SLC4A4: variants seen among roughly 807,000 people sequenced by gnomAD.
SLC4A4 encodes the protein solute carrier family 4 member 4.
In SLC4A4, 27 loss-of-function variants were observed where a neutral mutation model predicts 111.5. The ratio of observed to expected loss-of-function variants is 0.24; its 90% CI spans 0.18 to 0.33. The LOEUF (loss-of-function observed/expected upper bound fraction) is 0.33. Among genes scored for constraint, SLC4A4 ranks in the 10% least tolerant of loss-of-function variants. The pLI, the probability that SLC4A4 is intolerant of heterozygous loss-of-function variation, is 1.00. For missense variants in SLC4A4, 909 were observed against 1,315.5 expected, an observed-to-expected ratio of 0.69 and a Z score of 4.78; for synonymous variants, 443 against 463.4, an observed-to-expected ratio of 0.96 and a Z score of 0.57.
chr4:71,098,379 G>A (rs950651303), intron 2 of SLC4A4, among the ~76,000 whole-genome samples: 2 of 152,096 alleles, frequency 1.3e-5, no homozygotes, highest in African/African-American at 4.8e-5. Context: ...TGTTCCATCA[G>A]TCTACATGTC....
At chr4:71,211,898 A>T (rs1718154973) in intron 1 of SLC4A4, among the ~76,000 whole-genome samples, 1 of 151,888 alleles carries the variant, frequency 6.6e-6, no homozygotes, top group Non-Finnish European at 1.5e-5. Context: ...GCAGCGAAGG[A>T]AAATTAGACG....
chr4:71,387,900 A>G (rs1013854105), intron 6 of SLC4A4, among the ~76,000 whole-genome samples: 1 of 151,472 alleles, frequency 6.6e-6, no homozygotes, highest in Non-Finnish European at 1.5e-5. Flanking sequence ...TATATATGGA[A>G]GAGAGTAGAC....
upstream of SLC4A4, among the ~76,000 whole-genome samples, chr4:71,184,776 C>T (rs1745399647): frequency 1.3e-5 from 2 of 152,128 alleles, no homozygotes; most frequent in South Asian, 4.1e-4. Context: ...AAAGTGATCA[C>T]ATGCAGAGTT....
At chr4:71,218,586 G>T (rs141414995) in intron 1 of SLC4A4, among the ~76,000 whole-genome samples, 74 of 152,172 alleles carry the variant, frequency 4.9e-4, no homozygotes, top group African/African-American at 1.7e-3. Flanking sequence ...AGTACTATTA[G>T]CACTATAATA....
At chr4:71,076,518 C>A (rs1741833632) in intron 1 of SLC4A4, among the ~76,000 whole-genome samples, 1 of 151,382 alleles carries the variant, frequency 6.6e-6, no homozygotes. Flanking sequence ...GACAATGAAG[C>A]CAGACTCTGT....
At chr4:71,096,263 G>A (rs1742547798) in intron 2 of SLC4A4, among the ~76,000 whole-genome samples, 1 of 152,138 alleles carries the variant, frequency 6.6e-6, no homozygotes, top group East Asian at 1.9e-4. Flanking sequence ...GGCTAAAGGG[G>A]GGAGGAAGCA....
chr4:71,176,535 C>A (rs1285748094), intron 2 of SLC4A4, among the ~76,000 whole-genome samples: 2 of 152,068 alleles, frequency 1.3e-5, no homozygotes, highest in Non-Finnish European at 2.9e-5. Context: ...GACAAATGCA[C>A]AAGCCTCAGT....
At chr4:71,263,735 A>G (rs1722036552) in intron 3 of SLC4A4, among the ~76,000 whole-genome samples, 1 of 152,222 alleles carries the variant, frequency 6.6e-6, no homozygotes, top group African/African-American at 2.4e-5. Context: ...TGCAATAACT[A>G]ATTTGTACAT....
chr4:71,424,374 C>T (rs1722883788), intron 7 of SLC4A4, among the ~76,000 whole-genome samples: 1 of 151,574 alleles, frequency 6.6e-6, no homozygotes, highest in Non-Finnish European at 1.5e-5. Context: ...GAAATAGGAA[C>T]ACTTTTACAC....
In SLC4A4 at chr4:71,353,358, A is replaced by G. The variant is rs115533171; in HGVS notation, c.550+3286A>G. Among the ~76,000 whole-genome samples, 516 of 152,316 alleles carry G rather than the reference A, an allele frequency of 3.4e-3. 4 individuals are homozygous for G. The highest frequency in any genetic ancestry group is 0.012 in the African/African-American group (500 of 41,568). On this transcript the variant is annotated intron_variant, in intron 5 of 25. Transcript: ENST00000264485. Reference sequence around the variant, plus strand: ...GTGCTGTCATTCTGGAGCTGATAATACAGAAAAACAGTTCAGGGACAAATA... The same window carrying G: ...GTGCTGTCATTCTGGAGCTGATAATGCAGAAAAACAGTTCAGGGACAAATA...
chr4:71,335,608 A>T (rs1728367028), intron 3 of SLC4A4, among the ~76,000 whole-genome samples: 1 of 152,070 alleles, frequency 6.6e-6, no homozygotes, highest in Non-Finnish European at 1.5e-5. Flanking sequence ...CGGGGATCAC[A>T]AGGTTGGGAG....
intron 6 of SLC4A4, among the ~76,000 whole-genome samples, chr4:71,375,565 T>A (rs73828113): frequency 0.03 from 4,598 of 152,238 alleles, 167 homozygotes; most frequent in East Asian, 0.13. Flanking sequence ...TGAACTCTGA[T>A]CCTTTTCTGA....
chr4:71,503,174 T>A (rs1192626961), intron 16 of SLC4A4, among the ~76,000 whole-genome samples: 1 of 152,026 alleles, frequency 6.6e-6, no homozygotes, highest in Non-Finnish European at 1.5e-5. Flanking sequence ...TCTTTTTCCA[T>A]CCTTTCATTT....
At chr4:71,243,283 G>T (rs1720393167) in intron 2 of SLC4A4, among the ~76,000 whole-genome samples, 2 of 152,120 alleles carry the variant, frequency 1.3e-5, no homozygotes, top group African/African-American at 4.8e-5. Flanking sequence ...GAATACTTCT[G>T]CTTCCTACTG....
At chr4:71,505,013 G>A (rs539418839) in intron 16 of SLC4A4, among the ~76,000 whole-genome samples, 34 of 152,238 alleles carry the variant, frequency 2.2e-4, no homozygotes, top group African/African-American at 7.9e-4. Context: ...GTTTGCTAGG[G>A]ATAAATGGCC....
At chr4:71,509,054 C>T (rs1374195675) in intron 16 of SLC4A4, among the ~76,000 whole-genome samples, 7 of 152,220 alleles carry the variant, frequency 4.6e-5, no homozygotes, top group East Asian at 1.9e-4. Context: ...ATTCAACATT[C>T]GTTTATGTTA....
At chr4:71,087,320 A>G (rs908900463) in intron 1 of SLC4A4, among the ~76,000 whole-genome samples, 5 of 151,610 alleles carry the variant, frequency 3.3e-5, no homozygotes, top group Non-Finnish European at 5.9e-5. Context: ...TCTTGCTAGC[A>G]GTCTATCAAT....
At chr4:71,102,859 C>A (rs1358227647) in intron 2 of SLC4A4, among the ~76,000 whole-genome samples, 1 of 151,836 alleles carries the variant, frequency 6.6e-6, no homozygotes, top group African/African-American at 2.4e-5. Flanking sequence ...GAAACTGCAT[C>A]AACTAACGAG....
chr4:71,296,839 T>C (rs1724833779), intron 3 of SLC4A4, among the ~76,000 whole-genome samples: 1 of 152,162 alleles, frequency 6.6e-6, no homozygotes, highest in Non-Finnish European at 1.5e-5. Context: ...CCTGTTTGCT[T>C]TGTTGGCTAG....
Sources: allele counts gnomAD v4.1 joint callset (sites outside exome capture counted in the v4.1 genomes callset), GRCh38; gene constraint gnomAD v4.1.1; transcripts MANE v1.5; gene names NCBI Gene and HGNC (gene_info 2026-07-23, HGNC 2026-07-21).